HS6ST3: variants seen among roughly 807,000 people sequenced by gnomAD.
The protein encoded by HS6ST3 is heparan sulfate 6-O-sulfotransferase 3, also known as heparan-sulfate 6-O-sulfotransferase 3.
In HS6ST3, 12 loss-of-function variants were observed where a neutral mutation model predicts 36.7. The observed-to-expected ratio is 0.33, with a 90% CI of 0.21 to 0.53. HS6ST3 has a LOEUF of 0.53. HS6ST3 is among the 20% of genes least tolerant of loss of function. The pLI is 0.95. For synonymous variants in HS6ST3, 240 were observed against 257.5 expected, an observed-to-expected ratio of 0.93 and a Z score of 0.65; for missense variants, 584 against 640.9, an observed-to-expected ratio of 0.91 and a Z score of 0.96.
chr13:96,790,088 T>G (rs1486620175), intron 1 of HS6ST3, among the ~76,000 whole-genome samples: 1 of 151,958 alleles, frequency 6.6e-6, no homozygotes, highest in Non-Finnish European at 1.5e-5. Flanking sequence ...AGGCACTGGT[T>G]GCATTTCTCA....
intron 1 of HS6ST3, among the ~76,000 whole-genome samples, chr13:96,702,196 A>G (rs962895151): frequency 1.3e-5 from 2 of 152,118 alleles, no homozygotes; most frequent in African/African-American, 4.8e-5. Context: ...GTGGGAAAAA[A>G]ATCACAGATG....
At chr13:96,094,018 C>A (rs912687050) in intron 1 of HS6ST3, among the ~76,000 whole-genome samples, 1 of 152,096 alleles carries the variant, frequency 6.6e-6, no homozygotes, top group Admixed American at 6.6e-5. Flanking sequence ...TTTGGTCCCC[C>A]CAAAGCGCCT....
intron 1 of HS6ST3, among the ~76,000 whole-genome samples, chr13:96,223,776 T>C (rs1309001758): frequency 2.0e-5 from 3 of 151,998 alleles, no homozygotes; most frequent in Admixed American, 6.6e-5. Context: ...TATGTCACAA[T>C]TTTTGGCTAT....
chr13:96,618,159 G>A (rs1297740048), intron 1 of HS6ST3, among the ~76,000 whole-genome samples: 1 of 152,158 alleles, frequency 6.6e-6, no homozygotes, highest in African/African-American at 2.4e-5. Context: ...GAGTGCAGTG[G>A]TGCAATCATA....
intron 1 of HS6ST3, among the ~76,000 whole-genome samples, chr13:96,825,287 A>G (rs1878625111): frequency 6.6e-6 from 1 of 152,222 alleles, no homozygotes; most frequent in African/African-American, 2.4e-5. Context: ...TTTAATCACC[A>G]CCAGCAAAGT....
intron 1 of HS6ST3, among the ~76,000 whole-genome samples, chr13:96,130,082 A>T (rs1209349389): frequency 1.3e-5 from 2 of 152,218 alleles, no homozygotes; most frequent in African/African-American, 4.8e-5. Flanking sequence ...ATAATAGCAA[A>T]GAGTTTGAAA....
chr13:96,765,060 C>CT (rs11423735), intron 1 of HS6ST3, among the ~76,000 whole-genome samples: 2,783 of 93,760 alleles, frequency 0.03, 49 homozygotes, highest in Non-Finnish European at 0.034. Context: ...TTGTTTCTTT[C>CT]TTTTTTTTTT....
At chr13:96,575,559 A>G (rs2056317443) in intron 1 of HS6ST3, among the ~76,000 whole-genome samples, 1 of 152,176 alleles carries the variant, frequency 6.6e-6, no homozygotes, top group South Asian at 2.1e-4. Flanking sequence ...AAGACTGTTG[A>G]TGTTTCAGTC....
intron 1 of HS6ST3, among the ~76,000 whole-genome samples, chr13:96,464,292 A>G (rs936179265): frequency 6.6e-6 from 1 of 151,800 alleles, no homozygotes. Context: ...CTTCTCTGCT[A>G]TATAAACTCC....
At chr13:96,778,121 A>G (rs961122369) in intron 1 of HS6ST3, among the ~76,000 whole-genome samples, 1 of 152,240 alleles carries the variant, frequency 6.6e-6, no homozygotes, top group Non-Finnish European at 1.5e-5. Flanking sequence ...GGACAGCCAT[A>G]TGCAGAAAAC....
intron 1 of HS6ST3, among the ~76,000 whole-genome samples, chr13:96,122,841 A>G (rs1405253323): frequency 6.6e-6 from 1 of 152,206 alleles, no homozygotes; most frequent in Non-Finnish European, 1.5e-5. Context: ...GACCTGCTCT[A>G]TCCGAGAAAT....
At chr13:96,093,315 T>C (rs1479549221) in intron 1 of HS6ST3, among the ~76,000 whole-genome samples, 1 of 152,194 alleles carries the variant, frequency 6.6e-6, no homozygotes, top group Non-Finnish European at 1.5e-5. Context: ...TAAAAATAAT[T>C]AGATTTTTGC....
At chr13:96,600,644 G>A (rs190284666) in intron 1 of HS6ST3, among the ~76,000 whole-genome samples, 50 of 151,844 alleles carry the variant, frequency 3.3e-4, no homozygotes, top group African/African-American at 1.2e-3. Context: ...CTTTCAAATG[G>A]GGCATTCAAA....
chr13:96,414,211 ACCTAGG>A (rs1445585955), intron 1 of HS6ST3, among the ~76,000 whole-genome samples: 1 of 152,200 alleles, frequency 6.6e-6, no homozygotes, highest in Non-Finnish European at 1.5e-5. Context: ...TAAAAATTTC[ACCTAGG>A]CCAGGCCTTC....
chr13:96,699,696 G>A (rs1342183349), intron 1 of HS6ST3, among the ~76,000 whole-genome samples: 1 of 152,142 alleles, frequency 6.6e-6, no homozygotes, highest in Non-Finnish European at 1.5e-5. Flanking sequence ...GATTCCTCAG[G>A]GATCTAGAAT....
chr13:96,154,316 C>G (rs2054100643), intron 1 of HS6ST3, among the ~76,000 whole-genome samples: 2 of 151,922 alleles, frequency 1.3e-5, no homozygotes, highest in South Asian at 4.1e-4. Flanking sequence ...GGCTGGCATG[C>G]TGTATTTAAA....
At chr13:96,407,235 TA>T (rs200516246) in intron 1 of HS6ST3, among the ~76,000 whole-genome samples, 1,925 of 152,338 alleles carry the variant, frequency 0.013, 51 homozygotes, top group African/African-American at 0.044. Flanking sequence ...AGTTTGATCT[TA>T]TAATATATAA....
At chr13:96,662,826 A>T (rs538784317) in intron 1 of HS6ST3, among the ~76,000 whole-genome samples, 1 of 152,002 alleles carries the variant, frequency 6.6e-6, no homozygotes, top group Non-Finnish European at 1.5e-5. Flanking sequence ...TATATTGGTT[A>T]GGGTCTTTGC....
chr13:96,547,399 C>T (rs2056201693), intron 1 of HS6ST3, among the ~76,000 whole-genome samples: 1 of 152,122 alleles, frequency 6.6e-6, no homozygotes, highest in South Asian at 2.1e-4. Context: ...TCCTTATTCA[C>T]TAAATGATGC....
Sources: gnomAD v4.1 joint callset for allele counts (sites outside exome capture counted in the v4.1 genomes callset) on GRCh38, gnomAD v4.1.1 for gene constraint, MANE v1.5 for transcripts, NCBI Gene and HGNC (gene_info 2026-07-23, HGNC 2026-07-21) for gene names.